The following SCRIB variants were observed in gnomAD, a reference collection of about 807,000 sequenced individuals.
SCRIB encodes protein scribble homolog.
Under a neutral mutation model 170.0 loss-of-function variants are expected in SCRIB, and 72 were observed. The observed-to-expected ratio is 0.42, with a 90% CI of 0.35 to 0.52. SCRIB has a LOEUF of 0.52. Among genes scored for constraint, SCRIB ranks in the 20% least tolerant of loss-of-function variants. SCRIB has a pLI of 0.02. For missense variants in SCRIB, 2,475 were observed against 2,338.5 expected, an observed-to-expected ratio of 1.06 and a Z score of -1.20; for synonymous variants, 1,298 against 1,044.3, an observed-to-expected ratio of 1.24 and a Z score of -4.68.
At chr8:143,798,895 C>G (rs1815056896) in intron 24 of SCRIB, among the ~76,000 whole-genome samples, 1 of 151,560 alleles carries the variant, frequency 6.6e-6, no homozygotes, top group Non-Finnish European at 1.5e-5. Flanking sequence ...AGGGCCGGGG[C>G]AGGAAGTACA....
Position 143,814,407 on chromosome 8 carries a change from C to T in SCRIB, c.160-289G>A, listed in dbSNP as rs544879088. On this transcript the variant is annotated intron_variant, in intron 1 of 36. Coordinates refer to ENST00000356994, the MANE Select transcript of SCRIB (RefSeq NM_182706.5). ...CCCAATCCCCTACCCTGTGTCTTAC[C>T]TCAGGGCCCACCCAGCCCCTGAACC... 1.3e-4 allele frequency among the ~76,000 whole-genome samples: 20 copies of T among 152,296 alleles called. No homozygotes were observed. The East Asian group carries it at 3.3e-3, about 25-fold the overall frequency.
intron 4 of SCRIB, 42 bp downstream of exon 4, chr8:143,813,595 G>A (rs767566289): frequency 1.2e-6 from 2 of 1,611,750 alleles, no homozygotes; most frequent in Non-Finnish European, 1.7e-6. Flanking sequence ...GGCCAATCCT[G>A]GTCCCCCACC....
chr8:143,805,477 G>A (rs138885235), intron 18 of SCRIB, 42 bp from the exon 19 acceptor site: 14 of 1,429,960 alleles, frequency 9.8e-6, no homozygotes, highest in East Asian at 5.2e-5. Context: ...ACCCAGTGCC[G>A]CCACAGACAG....
chr8:143,803,486 C>T lies in SCRIB; in HGVS notation c.3500G>A (p.Gly1167Asp). The change falls in exon 24 of 37, where the codon GGC becomes GAC. Residue 1167 changes from glycine to aspartate, a missense_variant. Around this residue, in one of 3 missense-constraint regions of SCRIB, gnomAD observed 1,966 missense variants for 1,742.9 expected, o/e 1.13. Transcript: ENST00000356994. The part of the protein sequence containing the change: ...LLEVNQQSLL[G>D]LTHGEAVQLL... ...CTGCACCGCCTCGCCGTGCGTCAGGCCCAGCAGGCTCTGCTGGTTCACCTC... is the reference window on the plus strand; with the variant it reads ...CTGCACCGCCTCGCCGTGCGTCAGGTCCAGCAGGCTCTGCTGGTTCACCTC... The T allele has an allele frequency of 6.2e-7, 1 of 1,601,236 alleles. No homozygotes were observed.
In SCRIB at chr8:143,810,549, C is replaced by A. The variant is rs143419869; in HGVS notation, c.1460G>T (p.Ser487Ile). Residue 487 changes from serine to isoleucine, a missense_variant, in exon 13 of 37, where the codon AGC becomes ATC. Coordinates refer to ENST00000356994, the MANE Select transcript of SCRIB (RefSeq NM_182706.5). ...GGCCTCGCTCCGCCGCCCCTCGATG[C>A]TCCTCTTCATCACCTTGAGCTCGCT... ...HPSELKVMKR[S>I]IEGRRSEACP... is the part of the protein sequence containing the mutation. 1.9e-6 allele frequency: 3 copies of A among 1,613,592 alleles called. No individual in the cohort carries two copies. The highest frequency in any genetic ancestry group is 2.5e-6 in the Non-Finnish European group (3 of 1,179,978).
Position 143,792,978 on chromosome 8 carries a change from G to C in SCRIB, c.4015C>G (p.Gln1339Glu), listed in dbSNP as rs782480089. The C allele has an allele frequency of 4.6e-6, 7 of 1,510,732 alleles. No individual in the cohort carries two copies. In the South Asian group the frequency reaches 9.0e-5, roughly 19 times the overall value. The allele number at this position is 1,510,732 out of a possible 1,614,324, so 93.6% of individuals were successfully genotyped here. A position where few individuals can be genotyped will look rare whatever the true frequency, so the allele number is the denominator to read the frequency against. The change falls in exon 29 of 37, where the codon CAG (glutamine) becomes GAG (glutamate). Residue 1339 changes from glutamine to glutamate, a missense_variant and splice_region_variant. By Grantham distance (29) the Gln-to-Glu change is conservative (BLOSUM62 2). Transcript: ENST00000356994. ...TSHPPEDAPA[Q>E]PPTPGPAASP... Reference sequence around the variant, plus strand: ...GGAGGCGTGCTGCCCCCACACACCTGGGCAGGGGCATCCTCAGGCGGGTGA... The same window carrying C: ...GGAGGCGTGCTGCCCCCACACACCTCGGCAGGGGCATCCTCAGGCGGGTGA...
Position 143,813,783 on chromosome 8 carries a change from A to G in SCRIB, c.356+35T>C, listed in dbSNP as rs1458846877. ...ACCAGTCCAGGGCTGTGGGACCCAT[A>G]GCCCCTACCGACCCCACCACAGGCT... On this transcript the variant is annotated intron_variant, in intron 3 of 36. Coordinates refer to ENST00000356994, the MANE Select transcript of SCRIB (RefSeq NM_182706.5). The G allele has an allele frequency of 2.5e-6, 4 of 1,610,046 alleles. No homozygotes were observed. In the East Asian group the frequency reaches 8.9e-5, roughly 36 times the overall value.
intron 14 of SCRIB, 125 bp downstream of exon 14, chr8:143,809,426 T>A: frequency 9.0e-7 from 1 of 1,114,214 alleles, no homozygotes; most frequent in Non-Finnish European, 1.3e-6. Flanking sequence ...ACAGGGCAGC[T>A]CCCCGAAGCA....
intron 34 of SCRIB, 49 bp from the exon 35 acceptor site, chr8:143,791,789 G>A (rs1192934443): frequency 2.0e-6 from 3 of 1,505,786 alleles, no homozygotes; most frequent in Non-Finnish European, 2.7e-6. Flanking sequence ...AGGAAAGGGG[G>A]GGATGAGGGC....
At chr8:143,800,995 A>G (rs1260702134) in intron 24 of SCRIB, among the ~76,000 whole-genome samples, 1 of 152,280 alleles carries the variant, frequency 6.6e-6, no homozygotes, top group African/African-American at 2.4e-5. Context: ...CAAGACAAGA[A>G]AAAGGAGTGG....
Position 143,791,397 on chromosome 8 carries a change from G to A in SCRIB, c.4814C>T (p.Pro1605Leu), listed in dbSNP as rs782520307. The A allele has an allele frequency of 6.2e-6, 10 of 1,610,370 alleles. No homozygotes were observed. Among genetic ancestry groups the A allele is most frequent in the South Asian group, 2.2e-5 (2 of 90,576 alleles). The change falls in exon 36 of 37, where the codon CCC becomes CTC. Residue 1605 changes from proline (P) to leucine (L), a missense_variant. By Grantham distance (98) the Pro-to-Leu change is moderately conservative (BLOSUM62 -3). Around this residue, in one of 3 missense-constraint regions of SCRIB, gnomAD observed 1,966 missense variants for 1,742.9 expected, o/e 1.13. Coordinates refer to ENST00000356994, the MANE Select transcript of SCRIB (RefSeq NM_182706.5). Reference protein sequence around the residue: ...AEELRSLEPSPSPGPQEEDGE... With the variant: ...AEELRSLEPSLSPGPQEEDGE... ...GCCCGGCCCCAACTCACCAGGGCTGGGAGATGGTTCCAGGGACCTCAACTC... is the reference window on the plus strand; with the variant it reads ...GCCCGGCCCCAACTCACCAGGGCTGAGAGATGGTTCCAGGGACCTCAACTC...
Position 143,811,256 on chromosome 8 carries a change from C to A in SCRIB, c.996G>T (p.Gly332=). Residue 332 remains glycine (G), a synonymous_variant, in exon 10 of 37, where the codon GGG becomes GGT. Transcript: ENST00000356994. ...AGAGGACGCTGAGTGCCACACAGCC[C>A]CCGATCTCGGGCGGCAGCGCCTCGA... is the stretch of plus-strand genomic sequence containing the variant. ...NHLEALPPEI[G]GCVALSVLSL... 6.2e-7 allele frequency: 1 copy of A among 1,611,744 alleles called. No individual in the cohort carries two copies. Among genetic ancestry groups the A allele is most frequent in the Non-Finnish European group, 8.5e-7 (1 of 1,179,470 alleles).
Position 143,792,209 on chromosome 8 carries a change from C to A in SCRIB, c.4514+11G>T. 6.4e-7 allele frequency: 1 copy of A among 1,555,372 alleles called. No homozygotes were observed. ...AGCAGGGCGGGGTGGCGACCCCACA[C>A]AGGGGCTCACCTGGCTGCCCTCCAC... is the stretch of plus-strand genomic sequence containing the variant. On this transcript the variant is annotated intron_variant, in intron 32 of 36. Transcript: ENST00000356994.
At chr8:143,808,143 G>A (rs1401978407) in intron 15 of SCRIB, among the ~76,000 whole-genome samples, 1 of 152,186 alleles carries the variant, frequency 6.6e-6, no homozygotes, top group Non-Finnish European at 1.5e-5. Context: ...GTGATCTTGG[G>A]AGAGGAACAG....
intron 24 of SCRIB, among the ~76,000 whole-genome samples, chr8:143,795,820 GCTGA>G (rs1475002149): frequency 2.6e-5 from 4 of 152,344 alleles, no homozygotes; most frequent in South Asian, 4.1e-4. Context: ...CTGCCACTCT[GCTGA>G]CTGTGTAAAG....
chr8:143,805,381 G>T lies in SCRIB; in HGVS notation c.2401C>A (p.Arg801=). ...AEHHEAVEAL[R]GAGTAVQMRV... ...ATCTGCACGGCAGTGCCGGCCCCCC[G>T]GAGCGCCTCCACGGCCTCGTGGTGC... Residue 801 remains arginine (R), a synonymous_variant, in exon 19 of 37, where the codon CGG becomes AGG. Coordinates refer to ENST00000356994, the MANE Select transcript of SCRIB (RefSeq NM_182706.5). 3 of 1,548,138 alleles carry T rather than the reference G, an allele frequency of 1.9e-6. No individual in the cohort carries two copies. Among genetic ancestry groups the T allele is most frequent in the Non-Finnish European group, 2.6e-6 (3 of 1,152,880 alleles).
Position 143,811,263 on chromosome 8 carries a change from T to C in SCRIB, c.989A>G (p.Glu330Gly). 2 of 1,612,122 alleles carry C rather than the reference T, an allele frequency of 1.2e-6. No individual in the cohort carries two copies. The highest frequency in any genetic ancestry group is 1.7e-6 in the Non-Finnish European group (2 of 1,179,642). Residue 330 changes from glutamate to glycine, a missense_variant, in exon 10 of 37, where the codon GAG becomes GGG. This residue lies in a region of SCRIB where 487 missense variants were observed against 558.1 expected (regional missense o/e 0.87). Coordinates refer to ENST00000356994, the MANE Select transcript of SCRIB (RefSeq NM_182706.5). ...GCTGAGTGCCACACAGCCCCCGATC[T>C]CGGGCGGCAGCGCCTCGAGGTGGTT... ...DRNHLEALPP[E>G]IGGCVALSVL...
At chr8:143,794,295 G>A in intron 27 of SCRIB, 1 of 342,040 alleles carries the variant, frequency 2.9e-6, no homozygotes, top group Non-Finnish European at 5.5e-6. Context: ...ATGGTGGGGA[G>A]CCCCTACTTG....
chr8:143,800,792 C>T (rs977588900), intron 24 of SCRIB, among the ~76,000 whole-genome samples: 1 of 152,258 alleles, frequency 6.6e-6, no homozygotes, highest in African/African-American at 2.4e-5. Flanking sequence ...GGGAGGATCG[C>T]TTGAGCCCGG....
Sources: gnomAD v4.1 joint callset for allele counts (sites outside exome capture counted in the v4.1 genomes callset) on GRCh38, gnomAD v4.1.1 for gene constraint, gnomAD v4.1.1 regional missense constraint, MANE v1.5 for transcripts, NCBI Gene and HGNC (gene_info 2026-07-23, HGNC 2026-07-21) for gene names.